Variants in NAF1 observed in about 807,000 individuals in gnomAD.
NAF1 encodes the protein H/ACA ribonucleoprotein complex non-core subunit NAF1.
Under a neutral mutation model 40.6 loss-of-function variants are expected in NAF1, and 11 were observed. The ratio of observed to expected loss-of-function variants is 0.27; its 90% CI spans 0.17 to 0.45. The LOEUF is 0.45. Among genes scored for constraint, NAF1 ranks in the 20% least tolerant of loss-of-function variants. The pLI is 1.00. For synonymous variants in NAF1, 260 were observed against 228.5 expected (o/e 1.14, Z -1.24); for missense variants, 607 against 611.1 (o/e 0.99, Z 0.07).
At chr4:163,118,959 G>A (rs561239336) in intron 2 of NAF1, among the ~76,000 whole-genome samples, 42 of 151,924 alleles carry the variant, frequency 2.8e-4, no homozygotes, top group Non-Finnish European at 5.2e-4. Flanking sequence ...TTTTTATAAG[G>A]GCAATTTATA....
intron 2 of NAF1, among the ~76,000 whole-genome samples, 164 bp from the exon 3 acceptor site, chr4:163,148,598 T>G (rs558699208): frequency 2.0e-5 from 3 of 152,330 alleles, no homozygotes; most frequent in East Asian, 1.9e-4. Flanking sequence ...GTGATAGCAC[T>G]TCTCTCCCTC....
At chr4:163,160,450 G>T (rs1732171969) in intron 2 of NAF1, among the ~76,000 whole-genome samples, 3 of 148,032 alleles carry the variant, frequency 2.0e-5, no homozygotes, top group Non-Finnish European at 4.5e-5. Flanking sequence ...TCTTTCTAAG[G>T]TTTAAGAACA....
chr4:163,106,180 G>A (rs1199960008), downstream of NAF1, among the ~76,000 whole-genome samples: 1 of 152,018 alleles, frequency 6.6e-6, no homozygotes, highest in Non-Finnish European at 1.5e-5. Context: ...TATTAACCTA[G>A]GAGCCCCAAA....
At chr4:163,162,806 T>C (rs1330059593) in intron 2 of NAF1, among the ~76,000 whole-genome samples, 1 of 152,172 alleles carries the variant, frequency 6.6e-6, no homozygotes, top group African/African-American at 2.4e-5. Flanking sequence ...TATAAAGCAC[T>C]CCACTGGGGA....
intron 2 of NAF1, among the ~76,000 whole-genome samples, chr4:163,156,724 T>C (rs1158599893): frequency 6.6e-6 from 1 of 152,118 alleles, no homozygotes; most frequent in African/African-American, 2.4e-5. Context: ...TAAGACCACA[T>C]TTTAACAGCA....
chr4:163,113,412 GGTTA>G (rs551256402), intron 2 of NAF1, among the ~76,000 whole-genome samples: 25 of 151,690 alleles, frequency 1.6e-4, no homozygotes, highest in African/African-American at 5.6e-4. Context: ...AAACTTGTAA[GGTTA>G]GTTTTAATTT....
Position 163,128,821 on chromosome 4 carries a change from A to T in NAF1, c.*76T>A, listed in dbSNP as rs1730747652. 4 of 1,409,376 alleles carry T rather than the reference A, an allele frequency of 2.8e-6. No homozygotes were observed. Among genetic ancestry groups the T allele is most frequent in the Non-Finnish European group, 3.8e-6 (4 of 1,061,738 alleles). 87.3% of individuals were successfully genotyped at this position (1,409,376 alleles called of 1,614,324 possible). ...ACAGTGTTTTTAAAAATCTAGCTCC[A>T]TAATCACTCTTGAAAAAAAAAAATC... is the stretch of plus-strand genomic sequence containing the variant. On this transcript the variant is annotated 3_prime_UTR_variant, in exon 8 of 8. Transcript: ENST00000274054.
At chr4:163,129,448 T>A in intron 7 of NAF1, 100 bp from the exon 8 acceptor site, 1 of 1,229,198 alleles carries the variant, frequency 8.1e-7, no homozygotes, top group Non-Finnish European at 1.1e-6. Flanking sequence ...ATCCAGTATA[T>A]CTTGTGGCAG....
chr4:163,107,962 T>C (rs1730075515), downstream of NAF1, among the ~76,000 whole-genome samples: 3 of 152,212 alleles, frequency 2.0e-5, no homozygotes, highest in South Asian at 2.1e-4. Flanking sequence ...TTGATAATGT[T>C]TGACATACAG....
rs543746206 is a variant in NAF1 at position 163,166,417 on chromosome 4, G to A, written c.311C>T (p.Pro104Leu). ...DCVTSPGAAEPARAPDSLETS... is the reference protein window; with the variant it reads ...DCVTSPGAAELARAPDSLETS... ...CTCCAAGGAGTCCGGCGCCCGCGCA[G>A]GCTCTGCGGCTCCTGGGGAGGTGAC... Residue 104 changes from proline (P) to leucine (L), a missense_variant, in exon 1 of 8, where the codon CCT becomes CTT. Pro to Leu is a moderately conservative substitution (Grantham distance 98). Transcript: ENST00000274054. 3.3e-5 allele frequency: 53 copies of A among 1,607,806 alleles called. No homozygotes were observed. The highest frequency in any genetic ancestry group is 1.2e-5 in the Non-Finnish European group (14 of 1,176,780).
chr4:163,156,101 A>G (rs907323360), intron 2 of NAF1, among the ~76,000 whole-genome samples: 2 of 120,310 alleles, frequency 1.7e-5, no homozygotes, highest in Non-Finnish European at 3.6e-5. Context: ...ATGAGTAGAT[A>G]GGAAAGACTT....
At chr4:163,136,947 G>A (rs114297481) in intron 6 of NAF1, among the ~76,000 whole-genome samples, 1,675 of 152,226 alleles carry the variant, frequency 0.011, 11 homozygotes, top group Non-Finnish European at 0.016. Context: ...TAAATGATAA[G>A]GTGATAATTA....
At chr4:163,156,160 T>A (rs1731978399) in intron 2 of NAF1, among the ~76,000 whole-genome samples, 1 of 116,318 alleles carries the variant, frequency 8.6e-6, no homozygotes, top group Non-Finnish European at 1.8e-5. Flanking sequence ...TTAATTAAAA[T>A]TAAATAAAAT....
downstream of NAF1, among the ~76,000 whole-genome samples, chr4:163,125,387 C>T (rs1218345197): frequency 5.3e-5 from 8 of 152,202 alleles, no homozygotes; most frequent in Non-Finnish European, 1.2e-4. Flanking sequence ...ACTAAAAGTA[C>T]TACTCCAGTG....
downstream of NAF1, among the ~76,000 whole-genome samples, chr4:163,106,873 T>G (rs1278635353): frequency 6.6e-6 from 1 of 152,218 alleles, no homozygotes; most frequent in Non-Finnish European, 1.5e-5. Context: ...CTTCAATTTA[T>G]AGTACCACAC....
downstream of NAF1, chr4:163,108,652 C>A (rs1221001082): frequency 6.6e-6 from 1 of 152,128 alleles, no homozygotes; most frequent in Non-Finnish European, 1.5e-5. Context: ...ATATTTTCTT[C>A]CATTATGCTT....
intron 2 of NAF1, among the ~76,000 whole-genome samples, chr4:163,115,532 G>A (rs1730309541): frequency 6.6e-6 from 1 of 152,100 alleles, no homozygotes; most frequent in South Asian, 2.1e-4. Flanking sequence ...GCCATACTCA[G>A]TATGATAATC....
intron 2 of NAF1, chr4:163,117,470 T>C (rs1730373184): frequency 6.6e-6 from 1 of 152,164 alleles, no homozygotes; most frequent in African/African-American, 2.4e-5. Flanking sequence ...CAGCAACTTA[T>C]ATGTACTTCT....
At position 163,166,640 on chromosome 4, in the gene NAF1, G is replaced by C; in HGVS notation, c.88C>G (p.Pro30Ala). 1 of 1,612,648 alleles carries C rather than the reference G, an allele frequency of 6.2e-7. No homozygotes were observed. The highest frequency in any genetic ancestry group is 8.5e-7 in the Non-Finnish European group (1 of 1,179,802). ...GGCACAGGGGCAGAGCCCGGAGACG[G>C]AGCCGCCGGACCTTCCCCAACTCCA... Reference protein sequence around the residue: ...DFGVGEGPAAPSPGSAPVPGT... With the variant: ...DFGVGEGPAAASPGSAPVPGT... Residue 30 changes from proline (P) to alanine (A), a missense_variant, in exon 1 of 8, where the codon CCG becomes GCG. Pro to Ala is a conservative substitution (Grantham distance 27). Transcript: ENST00000274054.
Sources: allele counts gnomAD v4.1 joint callset (sites outside exome capture counted in the v4.1 genomes callset), GRCh38; gene constraint gnomAD v4.1.1; transcripts MANE v1.5; gene names NCBI Gene and HGNC (gene_info 2026-07-23, HGNC 2026-07-21).